UBE2O: variants seen among roughly 807,000 people sequenced by gnomAD.
The protein encoded by UBE2O is (E3-independent) E2 ubiquitin-conjugating enzyme.
A neutral mutation model predicts 125.8 loss-of-function variants in UBE2O; 15 were observed. The ratio of observed to expected loss-of-function variants is 0.12; its 90% CI spans 0.08 to 0.18. The LOEUF (loss-of-function observed/expected upper bound fraction) is 0.18. UBE2O is among the 10% of genes least tolerant of loss of function. The pLI is 1.00. For missense variants in UBE2O, 1,280 were observed against 1,723.6 expected, an observed-to-expected ratio of 0.74 and a Z score of 4.56; for synonymous variants, 708 against 703.2, an observed-to-expected ratio of 1.01 and a Z score of -0.11.
intron 1 of UBE2O, among the ~76,000 whole-genome samples, chr17:76,406,805 T>C (rs1442571987): frequency 7.0e-6 from 1 of 141,914 alleles, no homozygotes; most frequent in Non-Finnish European, 1.5e-5. Context: ...GTTCAAGCAA[T>C]TCTCCCGTCT....
chr17:76,445,669 A>C (rs1309097155), intron 1 of UBE2O, among the ~76,000 whole-genome samples: 1 of 152,270 alleles, frequency 6.6e-6, no homozygotes, highest in Non-Finnish European at 1.5e-5. Context: ...TCAATCACAG[A>C]GTATAGCTAA....
intron 1 of UBE2O, among the ~76,000 whole-genome samples, chr17:76,416,366 T>C (rs1032883461): frequency 2.6e-5 from 4 of 152,050 alleles, no homozygotes; most frequent in Non-Finnish European, 2.9e-5. Context: ...CTGGGAATCA[T>C]CTGAAAAAGT....
At chr17:76,401,239 G>A in intron 5 of UBE2O, 85 bp from the exon 6 acceptor site, 1 of 1,512,320 alleles carries the variant, frequency 6.6e-7, no homozygotes, top group Non-Finnish European at 9.0e-7. Context: ...CCCGCTGGCT[G>A]CCCACCTGCA....
At chr17:76,451,116 C>T (rs2073234196) in intron 1 of UBE2O, among the ~76,000 whole-genome samples, 1 of 152,154 alleles carries the variant, frequency 6.6e-6, no homozygotes, top group African/African-American at 2.4e-5. Flanking sequence ...GGGCAGGAGG[C>T]CACAACACAG....
rs556382858 is a variant in UBE2O, at chr17:76,400,803, G to A, written c.894+208C>T. On this transcript the variant is annotated intron_variant, in intron 6 of 17. Transcript: ENST00000319380. The surrounding 1 kb of genome is among the most constrained non-coding windows in gnomAD (Gnocchi z 4.3). Reference sequence around the variant, plus strand: ...GCCACCCTCCCACCTTGCTCAGCCTGTACAGGCTGGGCTGGGGCACATCTG... The same window carrying A: ...GCCACCCTCCCACCTTGCTCAGCCTATACAGGCTGGGCTGGGGCACATCTG... 1.6e-4 allele frequency among the ~76,000 whole-genome samples: 24 copies of A among 152,346 alleles called. 1 individual carries two copies. The South Asian group carries it at 5.0e-3, about 32-fold the overall frequency.
chr17:76,439,394 AGGAGGTCCAAAG>A (rs1227919142), intron 1 of UBE2O, among the ~76,000 whole-genome samples: 4 of 152,188 alleles, frequency 2.6e-5, no homozygotes, highest in African/African-American at 7.2e-5. Flanking sequence ...AAACCCTTTC[AGGAGGTCCAAAG>A]TCAAAAATTT....
intron 1 of UBE2O, among the ~76,000 whole-genome samples, chr17:76,429,021 C>T (rs62084970): frequency 6.6e-6 from 1 of 151,012 alleles, no homozygotes; most frequent in South Asian, 2.1e-4. Flanking sequence ...CCTGCCTCAG[C>T]CTCCCGAGTA....
Position 76,396,923 on chromosome 17 carries a change from C to A in UBE2O, c.2116-102G>T. On this transcript the variant is annotated intron_variant, in intron 13 of 17. Transcript: ENST00000319380. This position sits in a 1 kb window ranked among gnomAD's most constrained non-coding sequence, Gnocchi z 6.7. The stretch of plus-strand genomic sequence containing the variant: ...CCCTGATCCGCACAGCTGATGGCGA[C>A]TGGGCTCATGAGGCCTTGGCAACCT... 1 of 1,102,586 alleles carries A rather than the reference C, an allele frequency of 9.1e-7. No individual in the cohort carries two copies. The highest frequency in any genetic ancestry group is 2.5e-5 in the East Asian group (1 of 40,294). 68.3% of individuals were successfully genotyped at this position (1,102,586 alleles called of 1,614,324 possible).
intron 1 of UBE2O, among the ~76,000 whole-genome samples, chr17:76,434,341 GA>G (rs1163301879): frequency 6.6e-6 from 1 of 152,118 alleles, no homozygotes; most frequent in African/African-American, 2.4e-5. Context: ...CACAGAAAAG[GA>G]AAGTGAGAGG....
Position 76,399,333 on chromosome 17 carries a change from C to CT in UBE2O, c.1628+115_1628+116insA. On this transcript the variant is annotated intron_variant, in intron 9 of 17. Transcript: ENST00000319380. The surrounding 1 kb of genome is among the most constrained non-coding windows in gnomAD (Gnocchi z 6.9). Reference sequence around the variant, plus strand: ...GTTGTCTCGGGTGGGAGCCCCGGAGCCACTACAAGGCATGCAGAGGTGTGT... The same window carrying CT: ...GTTGTCTCGGGTGGGAGCCCCGGAGCTCACTACAAGGCATGCAGAGGTGTGT... The CT allele has an allele frequency of 9.3e-7, 1 of 1,080,080 alleles. No homozygotes were observed. Among genetic ancestry groups the CT allele is most frequent in the South Asian group, 1.5e-5 (1 of 65,182 alleles). The allele number at this position is 1,080,080 out of a possible 1,614,324, so 66.9% of individuals were successfully genotyped here.
chr17:76,406,692 GTTTTTTTTTTTTT>G (rs66834782), intron 1 of UBE2O, among the ~76,000 whole-genome samples: 2 of 70,918 alleles, frequency 2.8e-5, no homozygotes, highest in Non-Finnish European at 2.5e-5. Context: ...AGCCCAAGTT[GTTTTTTTTTTTTT>G]TTTTTTTTTT....
chr17:76,452,780 T>C lies in UBE2O; in HGVS notation c.362A>G (p.Tyr121Cys). The C allele has an allele frequency of 6.6e-7, 1 of 1,522,888 alleles. No individual in the cohort carries two copies. Among genetic ancestry groups the C allele is most frequent in the Non-Finnish European group, 8.8e-7 (1 of 1,142,512 alleles). 94.3% of individuals were successfully genotyped at this position (1,522,888 alleles called of 1,614,324 possible). The part of the protein sequence containing the change: ...EGRASPLRRG[Y>C]VRVQWYPEGV... ...CTCCGGGTACCACTGGACGCGCACG[T>C]AGCCGCGGCGCAGGGGGCTGGCCCG... Residue 121 changes from tyrosine (Y) to cysteine (C), a missense_variant, in exon 1 of 18, where the codon TAC becomes TGC. Coordinates refer to ENST00000319380, the MANE Select transcript of UBE2O (RefSeq NM_022066.4). This position sits in a 1 kb window ranked among gnomAD's most constrained non-coding sequence, Gnocchi z 4.4.
At chr17:76,433,078 T>A (rs2072928949) in intron 1 of UBE2O, among the ~76,000 whole-genome samples, 1 of 152,038 alleles carries the variant, frequency 6.6e-6, no homozygotes, top group South Asian at 2.1e-4. Flanking sequence ...ACAACTCCTC[T>A]CCTGGGTATA....
In UBE2O at chr17:76,438,387, C is replaced by T. The variant is rs1233516432; in HGVS notation, c.417+14338G>A. Among the ~76,000 whole-genome samples the T allele has an allele frequency of 5.9e-5, 9 of 152,138 alleles. No individual in the cohort carries two copies. In the South Asian group the frequency reaches 1.2e-3, roughly 21 times the overall value. ...AAAAAAGAAAAACTTAAAGGCTCCT[C>T]GTCGCTCTTCTGATCACCTCAAAGC... On this transcript the variant is annotated intron_variant, in intron 1 of 17. Transcript: ENST00000319380.
rs761531315 is a variant in UBE2O at position 76,395,946 on chromosome 17, CCA to C, written c.2810-87_2810-86del. ...AACCTGGCTGGACAGGTGAGCACAC[CCA>C]CAGACTTCCCACTCGCCGCTGCTGG... On this transcript the variant is annotated intron_variant, in intron 14 of 17. Coordinates refer to ENST00000319380, the MANE Select transcript of UBE2O (RefSeq NM_022066.4). This position sits in a 1 kb window ranked among gnomAD's most constrained non-coding sequence, Gnocchi z 5.0. The C allele has an allele frequency of 1.3e-5, 20 of 1,579,588 alleles. No homozygotes were observed. Among genetic ancestry groups the C allele is most frequent in the Non-Finnish European group, 1.6e-5 (18 of 1,158,706 alleles).
intron 1 of UBE2O, among the ~76,000 whole-genome samples, chr17:76,413,641 C>A (rs1332179685): frequency 6.6e-6 from 1 of 152,172 alleles, no homozygotes; most frequent in Admixed American, 6.5e-5. Context: ...AATCTCCACT[C>A]TACTGAATTC....
At chr17:76,393,314 G>C (rs1488377989) in intron 15 of UBE2O, among the ~76,000 whole-genome samples, 1 of 151,380 alleles carries the variant, frequency 6.6e-6, no homozygotes, top group Non-Finnish European at 1.5e-5. Flanking sequence ...CCCCAGGCTG[G>C]AGTGCAGTGG....
rs2072403177 is a variant in UBE2O, at chr17:76,405,628, A to G, written c.418-56T>C. The G allele has an allele frequency of 6.9e-7, 1 of 1,454,640 alleles. No individual in the cohort carries two copies. Among genetic ancestry groups the G allele is most frequent in the Non-Finnish European group, 9.5e-7 (1 of 1,057,452 alleles). The allele number at this position is 1,454,640 out of a possible 1,614,324, so 90.1% of individuals were successfully genotyped here. A position where few individuals can be genotyped will look rare whatever the true frequency, so the allele number is the denominator to read the frequency against. On this transcript the variant is annotated intron_variant, in intron 1 of 17. Coordinates refer to ENST00000319380, the MANE Select transcript of UBE2O (RefSeq NM_022066.4). This position sits in a 1 kb window ranked among gnomAD's most constrained non-coding sequence, Gnocchi z 6.1. ...GGACTCTGAAGCCACCACAGAATAC[A>G]GTTTTCTTCCAGCTTCTGAAGGAAA...
At chr17:76,415,946 C>G (rs1377553209) in intron 1 of UBE2O, among the ~76,000 whole-genome samples, 2 of 146,074 alleles carry the variant, frequency 1.4e-5, no homozygotes, top group Non-Finnish European at 3.1e-5. Flanking sequence ...TATGCGTATA[C>G]ATATGCACAT....
Sources: allele counts gnomAD v4.1 joint callset (sites outside exome capture counted in the v4.1 genomes callset), GRCh38; gene constraint gnomAD v4.1.1; non-coding constraint Gnocchi (gnomAD v3.1); transcripts MANE v1.5; gene names NCBI Gene and HGNC (gene_info 2026-07-23, HGNC 2026-07-21).